Variants in CDH2 observed in about 807,000 individuals in gnomAD.
CDH2 encodes cadherin-2.
Under a neutral mutation model 92.0 loss-of-function variants are expected in CDH2, and 17 were observed. The ratio of observed to expected loss-of-function variants is 0.18; its 90% CI spans 0.13 to 0.28. The LOEUF is 0.28. Ranked by LOEUF, CDH2 falls within the 10% of genes least tolerant of loss-of-function variation. CDH2 has a pLI of 1.00. For missense variants in CDH2, 862 were observed against 1,133.1 expected, an observed-to-expected ratio of 0.76 and a Z score of 3.44; for synonymous variants, 419 against 415.9, an observed-to-expected ratio of 1.01 and a Z score of -0.09.
intron 2 of CDH2, among the ~76,000 whole-genome samples, chr18:28,018,220 G>GA (rs1242922610): frequency 6.7e-6 from 1 of 148,952 alleles, no homozygotes; most frequent in Non-Finnish European, 1.5e-5. Context: ...AAACACTGCT[G>GA]AAAAAAATCA....
At chr18:27,947,843 A>G (rs1485480988), downstream of CDH2, among the ~76,000 whole-genome samples, 1 of 151,832 alleles carries the variant, frequency 6.6e-6, no homozygotes, top group Non-Finnish European at 1.5e-5. Flanking sequence ...ATAAGTGTGT[A>G]TACGGTAAAG....
At chr18:28,133,728 A>C (rs762245619) in intron 2 of CDH2, among the ~76,000 whole-genome samples, 7 of 152,068 alleles carry the variant, frequency 4.6e-5, no homozygotes, top group Non-Finnish European at 1.0e-4. Context: ...TCTTAACAAC[A>C]AGTATTCTGG....
At chr18:28,144,424 G>A (rs2144321288) in intron 2 of CDH2, among the ~76,000 whole-genome samples, 1 of 152,018 alleles carries the variant, frequency 6.6e-6, no homozygotes, top group South Asian at 2.1e-4. Context: ...AAATTAAATG[G>A]TGATGAGGAT....
chr18:28,123,934 G>A (rs1034368435), intron 2 of CDH2, among the ~76,000 whole-genome samples: 3 of 152,116 alleles, frequency 2.0e-5, no homozygotes, highest in African/African-American at 2.4e-5. Context: ...ACAGGATGGC[G>A]GGAGGTGGGG....
chr18:27,936,608 C>T (rs1909026115), intron 6 of CDH2, among the ~76,000 whole-genome samples: 1 of 152,166 alleles, frequency 6.6e-6, no homozygotes, highest in Non-Finnish European at 1.5e-5. Context: ...CAGCTCCCTG[C>T]AGCCTCAATG....
chr18:28,023,830 T>C (rs960164611), intron 2 of CDH2, among the ~76,000 whole-genome samples: 1 of 152,190 alleles, frequency 6.6e-6, no homozygotes, highest in African/African-American at 2.4e-5. Flanking sequence ...GTCACTACGA[T>C]GTGTGACATG....
rs1345047022 is a variant in CDH2, at chr18:27,964,499, C to G, written c.2350-978G>C. Reference sequence around the variant, plus strand: ...TACCCAACATTCTTTCAATTCAAAACTGACATTTGCAGCAAGCATAGATGT... The same window carrying G: ...TACCCAACATTCTTTCAATTCAAAAGTGACATTTGCAGCAAGCATAGATGT... On this transcript the variant is annotated intron_variant, in intron 14 of 15. Transcript: ENST00000269141. 2.0e-5 allele frequency among the ~76,000 whole-genome samples: 3 copies of G among 152,212 alleles called. No homozygotes were observed. In the East Asian group the frequency reaches 5.8e-4, roughly 29 times the overall value.
intron 2 of CDH2, 95 bp downstream of exon 2, chr18:28,147,578 T>C (rs1386972817): frequency 1.4e-6 from 1 of 696,904 alleles, no homozygotes; most frequent in South Asian, 2.0e-5. Flanking sequence ...AATTCATACT[T>C]GTTATACAGT....
chr18:28,145,500 T>C (rs1278848964), intron 2 of CDH2, among the ~76,000 whole-genome samples: 1 of 152,058 alleles, frequency 6.6e-6, no homozygotes, highest in Admixed American at 6.6e-5. Flanking sequence ...TAGATATAAT[T>C]ATGGTGTGGT....
At chr18:27,934,888 T>G (rs1350880713) in intron 6 of CDH2, among the ~76,000 whole-genome samples, 1 of 152,128 alleles carries the variant, frequency 6.6e-6, no homozygotes, top group Non-Finnish European at 1.5e-5. Context: ...CTACTCAGCT[T>G]TTTATAACCC....
intron 2 of CDH2, among the ~76,000 whole-genome samples, chr18:28,032,771 T>A (rs1298095284): frequency 6.6e-6 from 1 of 152,064 alleles, no homozygotes; most frequent in East Asian, 1.9e-4. Flanking sequence ...GTGGTACTGA[T>A]GCCCAAAGCT....
At chr18:28,170,604 C>A (rs761268032) in intron 1 of CDH2, among the ~76,000 whole-genome samples, 15 of 152,258 alleles carry the variant, frequency 9.9e-5, no homozygotes, top group Non-Finnish European at 2.2e-4. Context: ...CTTGGCCTCC[C>A]AAAGTGCTGG....
intron 2 of CDH2, among the ~76,000 whole-genome samples, chr18:28,024,696 C>G (rs968190674): frequency 2.6e-5 from 4 of 151,418 alleles, no homozygotes; most frequent in African/African-American, 9.7e-5. Context: ...AATTTAGTGT[C>G]CAGAGAAATC....
At chr18:27,981,267 G>C (rs548795228) in intron 14 of CDH2, among the ~76,000 whole-genome samples, 2 of 152,190 alleles carry the variant, frequency 1.3e-5, no homozygotes, top group Admixed American at 6.5e-5. Flanking sequence ...CGATTTATGA[G>C]AGAATGTGAT....
At chr18:28,116,130 G>A (rs974832047) in intron 2 of CDH2, among the ~76,000 whole-genome samples, 1 of 152,096 alleles carries the variant, frequency 6.6e-6, no homozygotes, top group Non-Finnish European at 1.5e-5. Flanking sequence ...ACAGAACGAC[G>A]ACCCTATACA....
At chr18:28,026,568 C>G (rs1025122778) in intron 2 of CDH2, among the ~76,000 whole-genome samples, 1 of 152,138 alleles carries the variant, frequency 6.6e-6, no homozygotes, top group Non-Finnish European at 1.5e-5. Context: ...TCCTAGAGAT[C>G]ATTCTCTTGA....
intron 5 of CDH2, among the ~76,000 whole-genome samples, chr18:28,007,100 C>T (rs1423879919): frequency 1.4e-5 from 2 of 145,732 alleles, no homozygotes; most frequent in African/African-American, 2.5e-5. Flanking sequence ...GCGGCAGCTG[C>T]GGTGAGCTGA....
At chr18:28,017,661 T>C (rs1393581465) in intron 2 of CDH2, among the ~76,000 whole-genome samples, 1 of 152,174 alleles carries the variant, frequency 6.6e-6, no homozygotes. Context: ...GGTTTGTGTT[T>C]GGTTTGTTCT....
chr18:28,000,246 G>T (rs2012723667), intron 7 of CDH2, among the ~76,000 whole-genome samples: 2 of 152,060 alleles, frequency 1.3e-5, no homozygotes, highest in African/African-American at 2.4e-5. Flanking sequence ...GGGACTACAG[G>T]TGCACACCAC....
Sources: gnomAD v4.1 joint callset for allele counts (sites outside exome capture counted in the v4.1 genomes callset) on GRCh38, gnomAD v4.1.1 for gene constraint, MANE v1.5 for transcripts, NCBI Gene and HGNC (gene_info 2026-07-23, HGNC 2026-07-21) for gene names.